PMPCB: variants seen among roughly 807,000 people sequenced by gnomAD.
The protein encoded by PMPCB is peptidase, mitochondrial processing subunit beta.
A neutral mutation model predicts 61.5 loss-of-function variants in PMPCB; 46 were observed. The ratio of observed to expected loss-of-function variants is 0.75; its 90% confidence interval spans 0.59 to 0.96. The LOEUF is 0.96. Among genes scored for constraint, PMPCB ranks in the 40% least tolerant of loss-of-function variants. The pLI, the probability that PMPCB is intolerant of heterozygous loss-of-function variation, is 0.00. For missense variants in PMPCB, 590 were observed against 602.4 expected, an observed-to-expected ratio of 0.98 and a Z score of 0.22; for synonymous variants, 191 against 201.6, an observed-to-expected ratio of 0.95 and a Z score of 0.44.
the PMPCB span, among the ~76,000 whole-genome samples, chr7:103,341,540 G>T: frequency 1.3e-5 from 2 of 152,108 alleles, no homozygotes; most frequent in Non-Finnish European, 2.9e-5. Flanking sequence ...TTTTAAGACC[G>T]GTGCAAACAT....
chr7:103,301,621 A>G (rs950320022), intron 4 of PMPCB, among the ~76,000 whole-genome samples: 8 of 152,144 alleles, frequency 5.3e-5, no homozygotes, highest in Non-Finnish European at 8.8e-5. Flanking sequence ...GTGGAAAAAC[A>G]GGGGCTTTCC....
chr7:103,318,211 G>A (rs751762007), downstream of PMPCB, among the ~76,000 whole-genome samples: 16 of 151,804 alleles, frequency 1.1e-4, no homozygotes, highest in Non-Finnish European at 1.6e-4. Context: ...TGTTGCCCAG[G>A]TTGGAGTGCA....
Position 103,312,863 on chromosome 7 carries a change from C to T in PMPCB, c.*592C>T, listed in dbSNP as rs1187232515. 5 of 1,540,626 alleles carry T rather than the reference C, an allele frequency of 3.2e-6. No individual in the cohort carries two copies. Among genetic ancestry groups the T allele is most frequent in the South Asian group, 1.3e-5 (1 of 76,088 alleles). Reference sequence around the variant, plus strand: ...TTTGAAATAAGCACTATATTATTAACCACTTAATAGACATAAAATATGAGC... The same window carrying T: ...TTTGAAATAAGCACTATATTATTAATCACTTAATAGACATAAAATATGAGC... On this transcript the variant is annotated 3_prime_UTR_variant, in exon 13 of 13. Coordinates refer to ENST00000249269, the MANE Select transcript of PMPCB (RefSeq NM_004279.3).
At chr7:103,299,293 G>T in intron 2 of PMPCB, 150 bp from the exon 3 acceptor site, 3 of 580,260 alleles carry the variant, frequency 5.2e-6, no homozygotes, top group Non-Finnish European at 3.0e-6. Context: ...AAATCTCATA[G>T]TTCACAGGAA....
At chr7:103,315,192 CTAT>C (rs1732109750), downstream of PMPCB, among the ~76,000 whole-genome samples, 1 of 150,102 alleles carries the variant, frequency 6.7e-6, no homozygotes, top group Admixed American at 6.6e-5. Flanking sequence ...TTGAGTCTTA[CTAT>C]GTTTCCTGGT....
intron 12 of PMPCB, among the ~76,000 whole-genome samples, chr7:103,324,168 G>C (rs1288784456): frequency 6.6e-6 from 1 of 152,194 alleles, no homozygotes; most frequent in Non-Finnish European, 1.5e-5. Context: ...ATTAGTTACA[G>C]AGACAAATAG....
intron 4 of PMPCB, 117 bp downstream of exon 4, chr7:103,300,424 A>G: frequency 3.9e-6 from 3 of 762,820 alleles, no homozygotes; most frequent in Middle Eastern, 3.1e-4. Flanking sequence ...TGAAAAAGCG[A>G]AACTGAATTC....
intron 1 of PMPCB, 95 bp from the exon 2 acceptor site, chr7:103,298,473 G>T: frequency 8.4e-7 from 1 of 1,196,680 alleles, no homozygotes; most frequent in Admixed American, 2.1e-5. Context: ...TATAGAGACA[G>T]CCTATTTAAA....
At chr7:103,322,735 T>C in intron 12 of PMPCB, 1 of 1,611,492 alleles carries the variant, frequency 6.2e-7, no homozygotes, top group Non-Finnish European at 8.5e-7. Flanking sequence ...CATTTCTTCT[T>C]TTTTTCTTTG....
At chr7:103,307,568 C>T (rs368952368) in intron 6 of PMPCB, 28 bp from the exon 7 acceptor site, 3 of 1,282,036 alleles carry the variant, frequency 2.3e-6, no homozygotes, top group African/African-American at 2.9e-5. Context: ...CTGCTAGATA[C>T]ATGTGAAAAT....
exon 13 of PMPCB, chr7:103,329,057 T>G: frequency 8.6e-7 from 1 of 1,161,750 alleles, no homozygotes; most frequent in Non-Finnish European, 1.1e-6. Context: ...GTCTAATTAT[T>G]TAAAATTTGT....
At chr7:103,297,891 A>C (rs570252100) in intron 1 of PMPCB, 2 of 1,374,100 alleles carry the variant, frequency 1.5e-6, no homozygotes, top group African/African-American at 1.4e-5. Context: ...CCAGAGTTCT[A>C]TTTTTGCCTA....
downstream of PMPCB, among the ~76,000 whole-genome samples, chr7:103,317,860 AG>A (rs1346406740): frequency 6.6e-6 from 1 of 152,186 alleles, no homozygotes; most frequent in Non-Finnish European, 1.5e-5. Context: ...CATGTTGGCC[AG>A]GCTAGTCTCA....
At chr7:103,316,641 T>C (rs986389143), downstream of PMPCB, 1 of 589,008 alleles carries the variant, frequency 1.7e-6, no homozygotes, top group African/African-American at 1.9e-5. Flanking sequence ...TATGTATATG[T>C]GCATGTGTAC....
chr7:103,322,030 C>T, intron 12 of PMPCB: 3 of 1,613,910 alleles, frequency 1.9e-6, no homozygotes, highest in Non-Finnish European at 2.5e-6. Context: ...CTGACTTCCT[C>T]CTCTTCTTTC....
chr7:103,346,068 TA>T, the PMPCB span, among the ~76,000 whole-genome samples: 4 of 152,258 alleles, frequency 2.6e-5, no homozygotes, highest in East Asian at 7.7e-4. Context: ...CATATTAATA[TA>T]TTTTTTTCCT....
chr7:103,315,083 A>G (rs146471453), downstream of PMPCB, among the ~76,000 whole-genome samples: 1,282 of 152,236 alleles, frequency 8.4e-3, 18 homozygotes, highest in African/African-American at 0.029. Flanking sequence ...AATTGACTTC[A>G]TGACCCAGTG....
chr7:103,299,614 T>C, intron 3 of PMPCB, 85 bp downstream of exon 3: 5 of 725,206 alleles, frequency 6.9e-6, no homozygotes, highest in Non-Finnish European at 1.2e-5. Flanking sequence ...GGGAGAGCTC[T>C]TTCAGTAGTA....
At chr7:103,320,377 C>T (rs1207220162) in intron 12 of PMPCB, among the ~76,000 whole-genome samples, 3 of 152,054 alleles carry the variant, frequency 2.0e-5, no homozygotes, top group South Asian at 2.1e-4. Context: ...TGAGCCACCG[C>T]GCCCGGCTGT....
Sources: allele counts gnomAD v4.1 joint callset (sites outside exome capture counted in the v4.1 genomes callset), GRCh38; gene constraint gnomAD v4.1.1; transcripts MANE v1.5; gene names NCBI Gene and HGNC (gene_info 2026-07-23, HGNC 2026-07-21).